DDB1: variants seen among roughly 807,000 people sequenced by gnomAD.
DDB1 encodes the protein damage specific DNA binding protein 1.
A neutral mutation model predicts 133.1 loss-of-function variants in DDB1; 18 were observed. The ratio of observed to expected loss-of-function variants is 0.14; its 90% CI spans 0.09 to 0.20. DDB1 has a LOEUF of 0.20. Among genes scored for constraint, DDB1 ranks in the 10% least tolerant of loss-of-function variants. The pLI, the probability that DDB1 is intolerant of heterozygous loss-of-function variation, is 1.00. For synonymous variants in DDB1, 580 were observed against 550.5 expected (o/e 1.05, Z -0.75); for missense variants, 828 against 1,459.2 (o/e 0.57, Z 7.05).
intron 21 of DDB1, among the ~76,000 whole-genome samples, chr11:61,304,841 G>C (rs983879784): frequency 2.7e-5 from 4 of 149,968 alleles, no homozygotes; most frequent in African/African-American, 9.9e-5. Flanking sequence ...TGGGGCCACT[G>C]CACTCCAGCC....
chr11:61,309,851 A>G lies in DDB1; in HGVS notation c.2511T>C (p.Tyr837=). Residue 837 remains tyrosine, a synonymous_variant, in exon 20 of 27, where the codon TAT becomes TAC. Transcript: ENST00000301764. The part of the protein sequence containing the change: ...TYFIVGTAMV[Y]PEEAEPKQGR... Reference sequence around the variant, plus strand: ...CCTGCTTGGGCTCTGCCTCTTCAGGATACACCATTGCTGTGCCCACAATGA... The same window carrying G: ...CCTGCTTGGGCTCTGCCTCTTCAGGGTACACCATTGCTGTGCCCACAATGA... The G allele has an allele frequency of 6.2e-7, 1 of 1,614,192 alleles. No individual in the cohort carries two copies. Among genetic ancestry groups the G allele is most frequent in the East Asian group, 2.2e-5 (1 of 44,880 alleles).
chr11:61,304,688 C>G (rs1400019558), intron 21 of DDB1, among the ~76,000 whole-genome samples: 1 of 151,780 alleles, frequency 6.6e-6, no homozygotes, highest in Non-Finnish European at 1.5e-5. Flanking sequence ...TCCTGGCTAA[C>G]ACGGTGAAAC....
In DDB1 at chr11:61,314,030, C is replaced by T; in HGVS notation, c.1753+17G>A. On this transcript the variant is annotated intron_variant, in intron 14 of 26. Coordinates refer to ENST00000301764, the MANE Select transcript of DDB1 (RefSeq NM_001923.5). The stretch of plus-strand genomic sequence containing the variant: ...ATTTTGACTCTGTCCCAACCCAGGT[C>T]CCTAAATGACACATACCTCCACCCA... 1 of 1,614,026 alleles carries T rather than the reference C, an allele frequency of 6.2e-7. No homozygotes were observed.
rs562809706 is a variant in DDB1, at chr11:61,319,077, A to G, written c.1226-2510T>C. ...CAAAATTAGCCAGGCGTGGTGGCGCATGGTTGGAGTCCCAGCTACTGGGAG... is the reference window on the plus strand; with the variant it reads ...CAAAATTAGCCAGGCGTGGTGGCGCGTGGTTGGAGTCCCAGCTACTGGGAG... On this transcript the variant is annotated intron_variant, in intron 10 of 26. Transcript: ENST00000301764. Among the ~76,000 whole-genome samples the G allele has an allele frequency of 8.5e-4, 130 of 152,256 alleles. 2 individuals carry two copies. Among genetic ancestry groups the G allele is most frequent in the African/African-American group, 3.0e-3 (125 of 41,562 alleles).
In DDB1 at chr11:61,309,908, G is replaced by C; in HGVS notation, c.2454C>G (p.Ser818=). The change falls in exon 20 of 27, where the codon TCC becomes TCG. Residue 818 remains serine (S), a synonymous_variant. Coordinates refer to ENST00000301764, the MANE Select transcript of DDB1 (RefSeq NM_001923.5). ...TGTTGGGGTCTTTGCCCAGCTTGCA[G>C]GAAACCAGACTGAGGGCATATTCAT... ...LQNEYALSLV[S]CKLGKDPNTY... 1.2e-6 allele frequency: 2 copies of C among 1,614,238 alleles called. No homozygotes were observed. The highest frequency in any genetic ancestry group is 1.7e-6 in the Non-Finnish European group (2 of 1,180,048).
intron 21 of DDB1, among the ~76,000 whole-genome samples, chr11:61,307,782 A>G (rs1045841332): frequency 6.6e-6 from 1 of 151,736 alleles, no homozygotes; most frequent in Non-Finnish European, 1.5e-5. Context: ...CTGCTGCACT[A>G]TCTTTCCCAT....
In DDB1 at chr11:61,329,558, G is replaced by A. The variant is rs764543006; in HGVS notation, c.354C>T (p.Thr118=). The change falls in exon 4 of 27, where the codon ACC becomes ACT. Residue 118 remains threonine, a synonymous_variant. Coordinates refer to ENST00000301764, the MANE Select transcript of DDB1 (RefSeq NM_001923.5). ...VQDRIGRPSE[T]GIIGIIDPEC... ...CAGGGTCAATGATGCCAATAATGCC[G>A]GTCTCTGAGGGGCGGCCAATGCGGT... 19 of 1,613,552 alleles carry A rather than the reference G, an allele frequency of 1.2e-5. No individual in the cohort carries two copies. Among genetic ancestry groups the A allele is most frequent in the South Asian group, 9.9e-5 (9 of 91,026 alleles).
Position 61,302,325 on chromosome 11 carries a change from G to A in DDB1, c.3147C>T (p.Asn1049=), listed in dbSNP as rs1346731380. 2 of 1,614,094 alleles carry A rather than the reference G, an allele frequency of 1.2e-6. No individual in the cohort carries two copies. Among genetic ancestry groups the A allele is most frequent in the Admixed American group, 3.3e-5 (2 of 60,006 alleles). Residue 1049 remains asparagine (N), a synonymous_variant, in exon 25 of 27, where the codon AAC becomes AAT. Coordinates refer to ENST00000301764, the MANE Select transcript of DDB1 (RefSeq NM_001923.5). ...LVTSLSESWY[N]LLLDMQNRLN... is the part of the protein sequence containing the mutation. ...GTCGATTCTGCATGTCCAGCAGGAGGTTGTACCAGCTCTCTGACAGTGAGG... is the reference window on the plus strand; with the variant it reads ...GTCGATTCTGCATGTCCAGCAGGAGATTGTACCAGCTCTCTGACAGTGAGG...
At position 61,324,123 on chromosome 11, in the gene DDB1, C is replaced by T. The variant is rs1856230854; in HGVS notation, c.777G>A (p.Val259=). Reference sequence around the variant, plus strand: ...CATTAGGGTCCACTCGATTGTGGCACACAATCGTGCTTTGCTGCCAATTGG... The same window carrying T: ...CATTAGGGTCCACTCGATTGTGGCATACAATCGTGCTTTGCTGCCAATTGG... ...APPIIKQSTI[V]CHNRVDPNGS... is the part of the protein sequence containing the mutation. The change falls in exon 7 of 27, where the codon GTG becomes GTA. Residue 259 remains valine (V), a synonymous_variant. Transcript: ENST00000301764. The T allele has an allele frequency of 6.2e-7, 1 of 1,614,018 alleles. No homozygotes were observed. The highest frequency in any genetic ancestry group is 1.3e-5 in the African/African-American group (1 of 74,906).
rs781140068 is a variant in DDB1 at position 61,314,186 on chromosome 11, C to T, written c.1614G>A (p.Val538=). ...QISHTEMEHE[V]ACLDITPLGD... ...CTAATGGGGTGATGTCCAAGCAAGC[C>T]ACTTCATGTTCCATCTCTGTGTGGC... is the stretch of plus-strand genomic sequence containing the variant. The change falls in exon 14 of 27, where the codon GTG becomes GTA. Residue 538 remains valine (V), a synonymous_variant. Transcript: ENST00000301764. 2 of 1,608,730 alleles carry T rather than the reference C, an allele frequency of 1.2e-6. No individual in the cohort carries two copies. Among genetic ancestry groups the T allele is most frequent in the South Asian group, 2.2e-5 (2 of 90,098 alleles).
intron 4 of DDB1, chr11:61,327,668 C>T (rs1856291981): frequency 6.6e-6 from 1 of 152,238 alleles, no homozygotes; most frequent in Non-Finnish European, 1.5e-5. Context: ...CCATTGTCAA[C>T]ATCATCTTCC....
At chr11:61,328,159 C>T (rs905632517) in intron 4 of DDB1, among the ~76,000 whole-genome samples, 1 of 152,150 alleles carries the variant, frequency 6.6e-6, no homozygotes, top group African/African-American at 2.4e-5. Flanking sequence ...AACTAAAGAA[C>T]ATAGAGAAAT....
At chr11:61,313,389 T>C (rs1856011142) in intron 16 of DDB1, 110 bp downstream of exon 16, 2 of 1,002,148 alleles carry the variant, frequency 2.0e-6, no homozygotes, top group African/African-American at 3.2e-5. Context: ...ATACTTCCCA[T>C]CTCAGTTATG....
Position 61,311,800 on chromosome 11 carries a change from G to C in DDB1, c.2261C>G (p.Pro754Arg). The C allele has an allele frequency of 6.2e-7, 1 of 1,613,158 alleles. No homozygotes were observed. The highest frequency in any genetic ancestry group is 8.5e-7 in the Non-Finnish European group (1 of 1,179,686). The part of the protein sequence containing the change: ...DTSGGTTALR[P>R]SASTQALSSS... ...TGCCCTTACCTGGGTGCTAGCGCTG[G>C]GCCTCAAGGCTGTCGTGCCCCCACT... Residue 754 changes from proline to arginine, a missense_variant, in exon 18 of 27, where the codon CCC (proline) becomes CGC (arginine). Coordinates refer to ENST00000301764, the MANE Select transcript of DDB1 (RefSeq NM_001923.5).
intron 4 of DDB1, 99 bp downstream of exon 4, chr11:61,329,264 C>A (rs1856322216): frequency 9.2e-7 from 1 of 1,089,962 alleles, no homozygotes; most frequent in African/African-American, 1.5e-5. Flanking sequence ...ACATTAAACA[C>A]TTCTCTCTAT....
rs770881291 is a variant in DDB1, at chr11:61,302,684, C to T, written c.3010G>A (p.Val1004Ile). Residue 1004 changes from valine (V) to isoleucine (I), a missense_variant, in exon 24 of 27, where the codon GTC becomes ATC. This residue lies in a region of DDB1 where 116 missense variants were observed against 221.6 expected (regional missense o/e 0.52). Transcript: ENST00000301764. ...AGAGAGCCGTGGCAAAAGACATTGA[C>T]AAACTCGCCCAGGTGGAAAAGACCA... ...EVGLFHLGEF[V>I]NVFCHGSLVM... is the part of the protein sequence containing the mutation. 5 of 1,614,242 alleles carry T rather than the reference C, an allele frequency of 3.1e-6. No homozygotes were observed. In the Admixed American group the frequency reaches 5.0e-5, roughly 16 times the overall value.
At position 61,310,319 on chromosome 11, in the gene DDB1, T is replaced by C. The variant is rs373866581; in HGVS notation, c.2377A>G (p.Ile793Val). The change falls in exon 19 of 27, where the codon ATC becomes GTC. Residue 793 changes from isoleucine (I) to valine (V), a missense_variant. Physicochemically the swap from Ile to Val is conservative, Grantham distance 29. This residue lies in a region of DDB1 where 396 missense variants were observed against 554.1 expected (regional missense o/e 0.71). Coordinates refer to ENST00000301764, the MANE Select transcript of DDB1 (RefSeq NM_001923.5). ...GEEVEVHNLL[I>V]IDQHTFEVLH... Reference sequence around the variant, plus strand: ...CCTTCAAAGGTGTGTTGGTCAATGATAAGTAGGTTGTGCACCTCCACCTCT... The same window carrying C: ...CCTTCAAAGGTGTGTTGGTCAATGACAAGTAGGTTGTGCACCTCCACCTCT... 6.2e-6 allele frequency: 10 copies of C among 1,611,892 alleles called. No homozygotes were observed. The highest frequency in any genetic ancestry group is 8.5e-6 in the Non-Finnish European group (10 of 1,179,610).
intron 10 of DDB1, among the ~76,000 whole-genome samples, chr11:61,316,946 GATATATATATATATATATATAT>G (rs58564398): frequency 0.13 from 3,777 of 29,048 alleles, 433 homozygotes; most frequent in Non-Finnish European, 0.15. Flanking sequence ...AAAAAGGATA[GATATATATATATATATATATAT>G]ATATATATAT....
At chr11:61,313,833 G>C in intron 15 of DDB1, 29 bp downstream of exon 15, 3 of 1,611,236 alleles carry the variant, frequency 1.9e-6, no homozygotes, top group Non-Finnish European at 2.5e-6. Flanking sequence ...ATTTTTGAAA[G>C]AGTCCCTCAC....
Sources: allele counts gnomAD v4.1 joint callset (sites outside exome capture counted in the v4.1 genomes callset), GRCh38; gene constraint gnomAD v4.1.1; regional missense constraint gnomAD v4.1.1; transcripts MANE v1.5; gene names NCBI Gene and HGNC (gene_info 2026-07-23, HGNC 2026-07-21).